KLF3: variants seen among roughly 807,000 people sequenced by gnomAD.
KLF3 encodes Krueppel-like factor 3.
A neutral mutation model predicts 32.7 loss-of-function variants in KLF3; 6 were observed. The ratio of observed to expected loss-of-function variants is 0.18; its 90% CI spans 0.10 to 0.36. KLF3 has a LOEUF of 0.36. Ranked by LOEUF, KLF3 falls within the 10% of genes least tolerant of loss-of-function variation. The pLI, the probability that KLF3 is intolerant of heterozygous loss-of-function variation, is 1.00. For synonymous variants in KLF3, 145 were observed against 172.8 expected, an observed-to-expected ratio of 0.84 and a Z score of 1.26; for missense variants, 338 against 449.7, an observed-to-expected ratio of 0.75 and a Z score of 2.25.
chr4:38,683,762 G>T (rs536035874), intron 2 of KLF3, among the ~76,000 whole-genome samples: 12 of 152,200 alleles, frequency 7.9e-5, no homozygotes, highest in Middle Eastern at 3.4e-3. Context: ...TATTCCTGTG[G>T]AAAGATTACT....
rs140792098 is a variant in KLF3, at chr4:38,671,626, C to T, written c.-40+7165C>T. On this transcript the variant is annotated intron_variant, in intron 1 of 5. Coordinates refer to ENST00000261438, the MANE Select transcript of KLF3 (RefSeq NM_016531.6). This position sits in a 1 kb window ranked among gnomAD's most constrained non-coding sequence, Gnocchi z 4.4. ...TGGAAGAGTGGTGTGCCAAGGCCAC[C>T]AGTCTTAAGTCAGACTACCTTGGGT... is the stretch of plus-strand genomic sequence containing the variant. Among the ~76,000 whole-genome samples the T allele has an allele frequency of 3.6e-4, 55 of 152,262 alleles. No homozygotes were observed. In the East Asian group the frequency reaches 9.7e-3, roughly 27 times the overall value.
At chr4:38,693,092 GTA>G (rs35207230) in intron 4 of KLF3, among the ~76,000 whole-genome samples, 4,265 of 108,188 alleles carry the variant, frequency 0.039, 126 homozygotes, top group Admixed American at 0.12. Context: ...ATATATACAC[GTA>G]TATATATATG....
At chr4:38,692,536 G>A (rs940073910) in intron 4 of KLF3, among the ~76,000 whole-genome samples, 4 of 152,124 alleles carry the variant, frequency 2.6e-5, no homozygotes, top group Non-Finnish European at 5.9e-5. Context: ...ACATTGTTCC[G>A]AGATATAACC....
rs1180243697 is a variant in KLF3 at position 38,697,540 on chromosome 4, T to TA, written c.*279dup. ...ACCCTTCTTACAGATACGTTTAATG[T>TA]AATAAGAACAAGGGAACATGTAAAC... is the stretch of plus-strand genomic sequence containing the variant. On this transcript the variant is annotated 3_prime_UTR_variant, in exon 6 of 6. Coordinates refer to ENST00000261438, the MANE Select transcript of KLF3 (RefSeq NM_016531.6). 3.0e-6 allele frequency: 1 copy of TA among 333,598 alleles called. No homozygotes were observed. Among genetic ancestry groups the TA allele is most frequent in the Admixed American group, 4.4e-5 (1 of 22,958 alleles). 20.7% of individuals were successfully genotyped at this position (333,598 alleles called of 1,614,324 possible).
intron 2 of KLF3, among the ~76,000 whole-genome samples, chr4:38,684,888 G>A (rs926258979): frequency 3.9e-5 from 6 of 152,152 alleles, no homozygotes; most frequent in Admixed American, 2.6e-4. Context: ...AAGATCCCTA[G>A]TGGGGGCCAG....
chr4:38,664,948 A>G lies in KLF3; in HGVS notation c.-40+487A>G, dbSNP rs1484169051. 7 of 32,504 alleles carry G rather than the reference A, an allele frequency of 2.2e-4. No homozygotes were observed. In the Admixed American group the frequency reaches 2.2e-3, roughly 10 times the overall value. 2.0% of individuals were successfully genotyped at this position (32,504 alleles called of 1,614,324 possible). On this transcript the variant is annotated intron_variant, in intron 1 of 5. Coordinates refer to ENST00000261438, the MANE Select transcript of KLF3 (RefSeq NM_016531.6). The stretch of plus-strand genomic sequence containing the variant: ...CCCCTCCCGGTGCCCCCCCACCACC[A>G]CCACAACCCAGGCTCCCGCGTCCTT...
At chr4:38,693,440 T>C (rs1003837258) in intron 4 of KLF3, among the ~76,000 whole-genome samples, 2 of 152,008 alleles carry the variant, frequency 1.3e-5, no homozygotes, top group African/African-American at 4.8e-5. Flanking sequence ...GAAAAAGTGA[T>C]TGACAAGGGA....
intron 1 of KLF3, among the ~76,000 whole-genome samples, chr4:38,677,540 C>T (rs1722389761): frequency 6.6e-6 from 1 of 152,168 alleles, no homozygotes; most frequent in South Asian, 2.1e-4. Context: ...ATTTATTCTG[C>T]TGTGCTGCAA....
At chr4:38,690,371 T>A (rs1414123254) in intron 4 of KLF3, 1 of 152,886 alleles carries the variant, frequency 6.5e-6, no homozygotes, top group African/African-American at 2.4e-5. Context: ...TTCTTGTAGG[T>A]CTAACATGGT....
At chr4:38,677,259 T>G (rs950343347) in intron 1 of KLF3, among the ~76,000 whole-genome samples, 36 of 152,106 alleles carry the variant, frequency 2.4e-4, no homozygotes, top group Admixed American at 6.5e-5. Flanking sequence ...CCACGCCCAG[T>G]CAGTGCCAGC....
At chr4:38,675,743 G>A (rs1375692149) in intron 1 of KLF3, among the ~76,000 whole-genome samples, 2 of 152,142 alleles carry the variant, frequency 1.3e-5, no homozygotes, top group South Asian at 2.1e-4. Context: ...TCAGATTGCC[G>A]TCAGTACTGT....
At chr4:38,680,737 T>C in intron 2 of KLF3, 55 bp downstream of exon 2, 1 of 1,339,486 alleles carries the variant, frequency 7.5e-7, no homozygotes, top group South Asian at 1.2e-5. Flanking sequence ...GATGATAACA[T>C]TATTGTGTGT....
chr4:38,672,080 A>G (rs1197356760), intron 1 of KLF3, among the ~76,000 whole-genome samples: 4 of 152,206 alleles, frequency 2.6e-5, no homozygotes, highest in African/African-American at 9.7e-5. Flanking sequence ...GGGCCAGGCT[A>G]AGGTTAGGGG....
Position 38,672,700 on chromosome 4 carries a change from G to A in KLF3, c.-39-7887G>A, listed in dbSNP as rs78193796. ...CCACTGTCAGACCCGGGGAGTGCAC[G>A]GGAGGGAAGGTTGTGAGCTGGAGAA... On this transcript the variant is annotated intron_variant, in intron 1 of 5. Coordinates refer to ENST00000261438, the MANE Select transcript of KLF3 (RefSeq NM_016531.6). Among the ~76,000 whole-genome samples the A allele has an allele frequency of 4.1e-3, 621 of 152,294 alleles. 6 individuals are homozygous for A. Among genetic ancestry groups the A allele is most frequent in the African/African-American group, 0.015 (606 of 41,558 alleles).
At chr4:38,665,668 C>A (rs1722010408) in intron 1 of KLF3, among the ~76,000 whole-genome samples, 2 of 152,246 alleles carry the variant, frequency 1.3e-5, no homozygotes. Context: ...TATATTCTCA[C>A]AAGAGTCTGG....
intron 1 of KLF3, among the ~76,000 whole-genome samples, chr4:38,675,390 TC>T (rs11429183): frequency 0.021 from 3,167 of 151,556 alleles, 114 homozygotes; most frequent in African/African-American, 0.073. Context: ...ATTTTGCCCT[TC>T]CCCCCCCTTT....
intron 1 of KLF3, among the ~76,000 whole-genome samples, chr4:38,672,688 C>T (rs1395508059): frequency 2.6e-5 from 4 of 151,910 alleles, no homozygotes; most frequent in East Asian, 1.9e-4. Context: ...CTGTCAGACC[C>T]GGGGAGTGCA....
intron 2 of KLF3, among the ~76,000 whole-genome samples, chr4:38,686,443 CAA>C (rs61128677): frequency 1.0e-3 from 103 of 100,934 alleles, no homozygotes; most frequent in South Asian, 3.3e-3. Flanking sequence ...GACCCTATCT[CAA>C]AAAAAAAAAA....
rs74626869 is a variant in KLF3, at chr4:38,696,577, C to A, written c.857-505C>A. Among the ~76,000 whole-genome samples, 141 of 152,228 alleles carry A rather than the reference C, an allele frequency of 9.3e-4. 2 individuals are homozygous for A. The East Asian group carries it at 0.013, about 14-fold the overall frequency. On this transcript the variant is annotated intron_variant, in intron 5 of 5. Coordinates refer to ENST00000261438, the MANE Select transcript of KLF3 (RefSeq NM_016531.6). ...CTGAATTAAAGCATTATACTTAGGC[C>A]TAATTGTTATTGACTAAACAAGAAA...
Sources: allele counts gnomAD v4.1 joint callset (sites outside exome capture counted in the v4.1 genomes callset), GRCh38; gene constraint gnomAD v4.1.1; non-coding constraint Gnocchi (gnomAD v3.1); transcripts MANE v1.5; gene names NCBI Gene and HGNC (gene_info 2026-07-23, HGNC 2026-07-21).